DENND5B: variants seen among roughly 807,000 people sequenced by gnomAD.
DENND5B encodes the protein DENN domain-containing protein 5B.
Under a neutral mutation model 140.6 loss-of-function variants are expected in DENND5B, and 34 were observed. That is an observed-to-expected ratio of 0.24 (90% CI 0.18 to 0.32). DENND5B has a LOEUF of 0.32. Among genes scored for constraint, DENND5B ranks in the 10% least tolerant of loss-of-function variants. The probability of loss-of-function intolerance (pLI) is 1.00; values close to 1 mark genes in which losing one functional copy is unlikely to be tolerated. For missense variants in DENND5B, 1,142 were observed against 1,560.2 expected (o/e 0.73, Z 4.52); for synonymous variants, 551 against 562.1 (o/e 0.98, Z 0.28).
intron 1 of DENND5B, among the ~76,000 whole-genome samples, chr12:31,547,920 G>A (rs904759285): frequency 5.3e-5 from 8 of 151,956 alleles, no homozygotes; most frequent in Middle Eastern, 3.2e-3. Flanking sequence ...TGGCCAGGCT[G>A]GTCTCAAACT....
At chr12:31,590,662 C>A in intron 1 of DENND5B, 44 bp downstream of exon 1, 1 of 1,424,524 alleles carries the variant, frequency 7.0e-7, no homozygotes. Flanking sequence ...CAGCGTCCCC[C>A]GCGCCCCTGA....
chr12:31,387,101 T>C lies in DENND5B; in HGVS notation c.*502A>G, dbSNP rs1940887846. 1 of 152,406 alleles carries C rather than the reference T, an allele frequency of 6.6e-6. No individual in the cohort carries two copies. Among genetic ancestry groups the C allele is most frequent in the Non-Finnish European group, 1.5e-5 (1 of 68,272 alleles). The allele number at this position is 152,406 out of a possible 1,614,324, so 9.4% of individuals were successfully genotyped here. On this transcript the variant is annotated 3_prime_UTR_variant, in exon 21 of 21. Transcript: ENST00000389082. The stretch of plus-strand genomic sequence containing the variant: ...ATAGAAGTGAAGACTACCAGTACAG[T>C]AGGTAAAGCTGTGTGCATCCACAAT...
chr12:31,463,667 AT>A (rs558458375), intron 3 of DENND5B, among the ~76,000 whole-genome samples: 7 of 149,912 alleles, frequency 4.7e-5, no homozygotes, highest in African/African-American at 2.4e-5. Context: ...CACATTATTA[AT>A]TTTTTTTTTG....
At chr12:31,445,452 C>T (rs1375421556) in intron 6 of DENND5B, among the ~76,000 whole-genome samples, 1 of 152,140 alleles carries the variant, frequency 6.6e-6, no homozygotes, top group Non-Finnish European at 1.5e-5. Flanking sequence ...GCCTGTAATC[C>T]TAGCATTTTG....
intron 2 of DENND5B, among the ~76,000 whole-genome samples, chr12:31,491,647 C>T (rs1302272319): frequency 5.3e-5 from 8 of 152,054 alleles, no homozygotes; most frequent in Admixed American, 4.6e-4. Context: ...CATACATTGA[C>T]TGTTTATTGT....
At chr12:31,483,556 T>A (rs1034949668) in intron 2 of DENND5B, among the ~76,000 whole-genome samples, 1 of 151,778 alleles carries the variant, frequency 6.6e-6, no homozygotes, top group African/African-American at 2.4e-5. Context: ...TTCTCCTGCC[T>A]CAGCCTCCCA....
intron 20 of DENND5B, 76 bp downstream of exon 20, chr12:31,389,248 T>G: frequency 8.2e-5 from 112 of 1,360,194 alleles, no homozygotes; most frequent in Non-Finnish European, 1.1e-4. Flanking sequence ...GGAAGGGGTA[T>G]GATCTGGTAT....
intron 1 of DENND5B, among the ~76,000 whole-genome samples, chr12:31,584,445 G>C (rs1284663595): frequency 6.6e-6 from 1 of 152,176 alleles, no homozygotes; most frequent in East Asian, 1.9e-4. Context: ...AAAATTAAAT[G>C]ATCATTATAC....
intron 1 of DENND5B, among the ~76,000 whole-genome samples, chr12:31,580,212 A>G (rs1328244461): frequency 1.3e-5 from 2 of 152,014 alleles, no homozygotes; most frequent in Non-Finnish European, 2.9e-5. Context: ...ATAAATAAAT[A>G]AGACATGTTT....
intron 4 of DENND5B, among the ~76,000 whole-genome samples, chr12:31,454,826 T>TA (rs1944698606): frequency 8.5e-6 from 1 of 117,134 alleles, no homozygotes; most frequent in African/African-American, 2.8e-5. Context: ...TTTTTTTTTT[T>TA]TTTTTTTTTT....
At position 31,590,727 on chromosome 12, in the gene DENND5B, G is replaced by T. The variant is rs886631772; in HGVS notation, c.106C>A (p.Leu36Met). The stretch of plus-strand genomic sequence containing the variant: ...TTACCCGCCAGCTCGTCAGGCTCCA[G>T]CCCGCTGTCCGCGTCGATCCCGCAC... ...VLCGIDADSGLEPDELAGENF... is the reference protein window; with the variant it reads ...VLCGIDADSGMEPDELAGENF... Residue 36 changes from leucine (L) to methionine (M), a missense_variant, in exon 1 of 21, where the codon CTG becomes ATG. By Grantham distance (15) the Leu-to-Met change is conservative. Transcript: ENST00000389082. 1.4e-6 allele frequency: 2 copies of T among 1,476,726 alleles called. No individual in the cohort carries two copies. The highest frequency in any genetic ancestry group is 4.6e-5 in the Admixed American group (2 of 43,750). 91.5% of individuals were successfully genotyped at this position (1,476,726 alleles called of 1,614,324 possible). A position where few individuals can be genotyped will look rare whatever the true frequency, so the allele number is the denominator to read the frequency against.
chr12:31,532,032 C>CCTG (rs1202502315), intron 1 of DENND5B, among the ~76,000 whole-genome samples: 1 of 152,078 alleles, frequency 6.6e-6, no homozygotes, highest in Non-Finnish European at 1.5e-5. Flanking sequence ...ATAACAAATG[C>CCTG]CTGCTCTCAT....
At chr12:31,456,991 G>A (rs1023252913) in intron 4 of DENND5B, among the ~76,000 whole-genome samples, 13 of 152,242 alleles carry the variant, frequency 8.5e-5, no homozygotes, top group African/African-American at 3.1e-4. Context: ...GGCTGAGGTG[G>A]GAGGATCTCC....
At chr12:31,515,123 T>C (rs1947577293) in intron 1 of DENND5B, among the ~76,000 whole-genome samples, 1 of 152,026 alleles carries the variant, frequency 6.6e-6, no homozygotes, top group Non-Finnish European at 1.5e-5. Context: ...ACCCTGTCTC[T>C]AAAAAGAAAA....
chr12:31,564,260 A>C (rs1949560601), intron 1 of DENND5B, among the ~76,000 whole-genome samples: 2 of 152,208 alleles, frequency 1.3e-5, no homozygotes, highest in African/African-American at 4.8e-5. Flanking sequence ...GAGTATCCAT[A>C]AACTTTACCT....
intron 14 of DENND5B, among the ~76,000 whole-genome samples, chr12:31,408,581 C>T (rs770480163): frequency 1.5e-4 from 18 of 123,034 alleles, no homozygotes; most frequent in Admixed American, 9.8e-4. Flanking sequence ...GAGCTGAGAT[C>T]GTGCCACTGC....
At chr12:31,392,526 A>T in intron 18 of DENND5B, 88 bp downstream of exon 18, 1 of 1,522,124 alleles carries the variant, frequency 6.6e-7, no homozygotes, top group Non-Finnish European at 8.8e-7. Context: ...TACAAATGAA[A>T]ATTCAAGCAC....
chr12:31,560,497 G>A (rs1422211125), intron 1 of DENND5B, among the ~76,000 whole-genome samples: 1 of 152,118 alleles, frequency 6.6e-6, no homozygotes, highest in Non-Finnish European at 1.5e-5. Context: ...ATTACTGCAG[G>A]CTTCCCAACA....
chr12:31,577,827 G>C (rs1246197150), intron 1 of DENND5B, among the ~76,000 whole-genome samples: 2 of 150,544 alleles, frequency 1.3e-5, no homozygotes, highest in African/African-American at 4.9e-5. Context: ...AGAACTGAAT[G>C]AAAAAATTCT....
Sources: allele counts gnomAD v4.1 joint callset (sites outside exome capture counted in the v4.1 genomes callset), GRCh38; gene constraint gnomAD v4.1.1; transcripts MANE v1.5; gene names NCBI Gene and HGNC (gene_info 2026-07-23, HGNC 2026-07-21).